The following IFNAR2 variants were observed in gnomAD, a reference collection of about 807,000 sequenced individuals.
IFNAR2 encodes the protein interferon alpha/beta receptor 2.
Under a neutral mutation model 49.4 loss-of-function variants are expected in IFNAR2, and 30 were observed. The observed-to-expected ratio is 0.61, with a 90% CI of 0.45 to 0.82. The LOEUF is 0.82. Ranked by LOEUF, IFNAR2 falls within the 40% of genes least tolerant of loss-of-function variation. IFNAR2 has a pLI of 0.00. For synonymous variants in IFNAR2, 224 were observed against 234.5 expected (o/e 0.96, Z 0.41); for missense variants, 600 against 622.7 (o/e 0.96, Z 0.39).
At position 33,252,714 on chromosome 21, in the gene IFNAR2, A is replaced by C. The variant is rs200536427; in HGVS notation, c.593A>C (p.Asp198Ala). Residue 198 changes from aspartate (D) to alanine (A), a missense_variant, in exon 7 of 9, where the codon GAC becomes GCC. Physicochemically the swap from Asp to Ala is moderately radical, Grantham distance 126. Transcript: ENST00000342136. Reference protein sequence around the residue: ...NMSGNFTYIIDKLIPNTNYCV... With the variant: ...NMSGNFTYIIAKLIPNTNYCV... ...AGTGGAAATTTCACCTATATCATTGACAAGTTAATTCCAAACACGAACTAC... is the reference window on the plus strand; with the variant it reads ...AGTGGAAATTTCACCTATATCATTGCCAAGTTAATTCCAAACACGAACTAC... 1 of 1,613,896 alleles carries C rather than the reference A, an allele frequency of 6.2e-7. No homozygotes were observed. Among genetic ancestry groups the C allele is most frequent in the South Asian group, 1.1e-5 (1 of 91,046 alleles).
intron 7 of IFNAR2, among the ~76,000 whole-genome samples, chr21:33,256,877 T>C (rs142200599): frequency 2.6e-5 from 4 of 152,256 alleles, no homozygotes; most frequent in East Asian, 1.9e-4. Flanking sequence ...AAAAAAATTA[T>C]GCGGGAAAGG....
intron 7 of IFNAR2, among the ~76,000 whole-genome samples, chr21:33,256,605 A>G (rs1425476327): frequency 6.6e-6 from 1 of 152,146 alleles, no homozygotes; most frequent in African/African-American, 2.4e-5. Flanking sequence ...ATCTGGAGAA[A>G]CACCTTCCCC....
chr21:33,245,633 G>A (rs1320568996), intron 4 of IFNAR2, among the ~76,000 whole-genome samples: 7 of 152,176 alleles, frequency 4.6e-5, no homozygotes, highest in Non-Finnish European at 1.0e-4. Context: ...GCAAGGATTC[G>A]TGACATAATG....
At chr21:33,245,192 C>A (rs1987309252) in intron 4 of IFNAR2, 118 bp downstream of exon 4, 1 of 740,776 alleles carries the variant, frequency 1.3e-6, no homozygotes, top group Non-Finnish European at 2.3e-6. Flanking sequence ...ACCTCTCCTT[C>A]TCTCTGCGTT....
At chr21:33,254,162 T>C (rs1221802836) in intron 7 of IFNAR2, among the ~76,000 whole-genome samples, 1 of 152,188 alleles carries the variant, frequency 6.6e-6, no homozygotes, top group Non-Finnish European at 1.5e-5. Flanking sequence ...AATGGATCCC[T>C]CCTCTCAGCC....
At chr21:33,262,573 G>T (rs1131668) in intron 8 of IFNAR2, 5 of 718,322 alleles carry the variant, frequency 7.0e-6, no homozygotes, top group Non-Finnish European at 1.0e-5. Context: ...GCAAGGTCTC[G>T]CTAAGGGCTG....
intron 1 of IFNAR2, among the ~76,000 whole-genome samples, chr21:33,234,295 AAAAG>A (rs965853784): frequency 4.6e-5 from 7 of 152,062 alleles, no homozygotes; most frequent in Non-Finnish European, 7.4e-5. Flanking sequence ...TACAGAAGAA[AAAAG>A]AAAGATGTTT....
Position 33,253,865 on chromosome 21 carries a change from T to A in IFNAR2, c.709+1035T>A, listed in dbSNP as rs993389462. ...TTGGTTTTGGTGGGTTTTGGCCGGC[T>A]TTACTGCCATCTGTTTTATCAGCAA... On this transcript the variant is annotated intron_variant, in intron 7 of 8. Transcript: ENST00000342136. 2.0e-5 allele frequency among the ~76,000 whole-genome samples: 3 copies of A among 152,156 alleles called. No homozygotes were observed. The East Asian group carries it at 5.8e-4, about 29-fold the overall frequency.
chr21:33,261,196 C>T (rs893421711), intron 8 of IFNAR2, among the ~76,000 whole-genome samples: 7 of 151,870 alleles, frequency 4.6e-5, no homozygotes, highest in African/African-American at 1.7e-4. Flanking sequence ...GCTACCACAC[C>T]TGGCTAATTT....
At chr21:33,247,001 C>G (rs974066792) in intron 5 of IFNAR2, 111 bp downstream of exon 5, 1 of 820,872 alleles carries the variant, frequency 1.2e-6, no homozygotes, top group African/African-American at 1.7e-5. Context: ...GGGCTGGGCT[C>G]ACCTCTTGGC....
In IFNAR2 at chr21:33,230,340, C is replaced by T. The variant is rs935840719; in HGVS notation, c.-84+124C>T. 1.3e-6 allele frequency: 1 copy of T among 767,970 alleles called. No individual in the cohort carries two copies. Among genetic ancestry groups the T allele is most frequent in the South Asian group, 1.9e-5 (1 of 52,882 alleles). The allele number at this position is 767,970 out of a possible 1,614,324, so 47.6% of individuals were successfully genotyped here. A position where few individuals can be genotyped will look rare whatever the true frequency, so the allele number is the denominator to read the frequency against. ...TTCCCTCTCGCTCTCCCCGACTCCT[C>T]CTCCTCCTCCTGCCCTCCCTCTGCG... On this transcript the variant is annotated intron_variant, in intron 1 of 8. Coordinates refer to ENST00000342136, the MANE Select transcript of IFNAR2 (RefSeq NM_001289125.3). The surrounding 1 kb of genome is among the most constrained non-coding windows in gnomAD (Gnocchi z 5.5).
At chr21:33,242,092 C>A in intron 2 of IFNAR2, 115 bp downstream of exon 2, 2 of 875,130 alleles carry the variant, frequency 2.3e-6, no homozygotes, top group South Asian at 1.7e-5. Context: ...CCCAGTACCA[C>A]CCTGCCTAGT....
chr21:33,257,402 C>T (rs1184835825), intron 7 of IFNAR2, among the ~76,000 whole-genome samples: 1 of 152,164 alleles, frequency 6.6e-6, no homozygotes, highest in Non-Finnish European at 1.5e-5. Flanking sequence ...TGGAAGGGGA[C>T]CTGAGCGGGT....
chr21:33,230,200 A>T lies in IFNAR2; in HGVS notation c.-100A>T. The T allele has an allele frequency of 9.7e-7, 1 of 1,032,138 alleles. No homozygotes were observed. The highest frequency in any genetic ancestry group is 1.2e-6 in the Non-Finnish European group (1 of 855,798). 63.9% of individuals were successfully genotyped at this position (1,032,138 alleles called of 1,614,324 possible). On this transcript the variant is annotated 5_prime_UTR_variant, in exon 1 of 9. It adds an upstream start codon to the 5' untranslated region. Coordinates refer to ENST00000342136, the MANE Select transcript of IFNAR2 (RefSeq NM_001289125.3). This position sits in a 1 kb window ranked among gnomAD's most constrained non-coding sequence, Gnocchi z 5.5. The stretch of plus-strand genomic sequence containing the variant: ...AGGCTAGCATCTCTCGGGAGCCGCA[A>T]GGCGAGAGCTGCAAAGGTAACGCAG...
chr21:33,230,347 C>A lies in IFNAR2; in HGVS notation c.-84+131C>A. The A allele has an allele frequency of 1.3e-6, 1 of 741,482 alleles. No homozygotes were observed. Among genetic ancestry groups the A allele is most frequent in the Non-Finnish European group, 1.8e-6 (1 of 542,246 alleles). 45.9% of individuals were successfully genotyped at this position (741,482 alleles called of 1,614,324 possible). Reference sequence around the variant, plus strand: ...TCGCTCTCCCCGACTCCTCCTCCTCCTCCTGCCCTCCCTCTGCGTCTTGAG... The same window carrying A: ...TCGCTCTCCCCGACTCCTCCTCCTCATCCTGCCCTCCCTCTGCGTCTTGAG... On this transcript the variant is annotated intron_variant, in intron 1 of 8. Coordinates refer to ENST00000342136, the MANE Select transcript of IFNAR2 (RefSeq NM_001289125.3). This position sits in a 1 kb window ranked among gnomAD's most constrained non-coding sequence, Gnocchi z 5.5.
Position 33,229,941 on chromosome 21 carries a change from T to C in IFNAR2, c.-359T>C, listed in dbSNP as rs9975738. ...GCGGCGCGGCGCCCGCGCTTCCGTATCGCTCCTCGTAGGCCGGGGCTCGGC... is the reference window on the plus strand; with the variant it reads ...GCGGCGCGGCGCCCGCGCTTCCGTACCGCTCCTCGTAGGCCGGGGCTCGGC... On this transcript the variant is annotated 5_prime_UTR_variant, in exon 1 of 9. Transcript: ENST00000342136. 2.3e-5 allele frequency: 23 copies of C among 982,578 alleles called. No individual in the cohort carries two copies. Among genetic ancestry groups the C allele is most frequent in the South Asian group, 4.6e-5 (1 of 21,566 alleles). The allele number at this position is 982,578 out of a possible 1,614,324, so 60.9% of individuals were successfully genotyped here.
In IFNAR2 at chr21:33,262,912, T is replaced by C; in HGVS notation, c.960T>C (p.Asp320=). ...KKKVWDYNYD[D]ESDSDTEAAP... ...AAGTGTGGGATTATAATTATGATGA[T>C]GAAAGTGATAGCGATACTGAGGCAG... The change falls in exon 9 of 9, where the codon GAT becomes GAC. Residue 320 remains aspartate, a synonymous_variant. Coordinates refer to ENST00000342136, the MANE Select transcript of IFNAR2 (RefSeq NM_001289125.3). 1 of 1,614,136 alleles carries C rather than the reference T, an allele frequency of 6.2e-7. No homozygotes were observed. Among genetic ancestry groups the C allele is most frequent in the Non-Finnish European group, 8.5e-7 (1 of 1,180,020 alleles).
intron 7 of IFNAR2, among the ~76,000 whole-genome samples, chr21:33,256,876 A>T (rs1375976041): frequency 6.6e-6 from 1 of 152,210 alleles, no homozygotes; most frequent in South Asian, 2.1e-4. Context: ...GAAAAAAATT[A>T]TGCGGGAAAG....
chr21:33,258,706 G>T (rs1988375566), intron 7 of IFNAR2, among the ~76,000 whole-genome samples: 1 of 152,206 alleles, frequency 6.6e-6, no homozygotes, highest in African/African-American at 2.4e-5. Flanking sequence ...CCCGAGGCAG[G>T]ATATGCCTGG....
Sources: allele counts gnomAD v4.1 joint callset (sites outside exome capture counted in the v4.1 genomes callset), GRCh38; gene constraint gnomAD v4.1.1; non-coding constraint Gnocchi (gnomAD v3.1); transcripts MANE v1.5; gene names NCBI Gene and HGNC (gene_info 2026-07-23, HGNC 2026-07-21).